Variants in LAMA2 observed in about 807,000 individuals in gnomAD.
LAMA2 encodes laminin subunit alpha-2.
A neutral mutation model predicts 364.8 loss-of-function variants in LAMA2; 269 were observed. The ratio of observed to expected loss-of-function variants is 0.74; its 90% confidence interval spans 0.67 to 0.82. The LOEUF is 0.82. Among genes scored for constraint, LAMA2 ranks in the 40% least tolerant of loss-of-function variants. The pLI, the probability that LAMA2 is intolerant of heterozygous loss-of-function variation, is 0.00. For missense variants in LAMA2, 3,807 were observed against 3,873.2 expected (o/e 0.98, Z 0.45); for synonymous variants, 1,379 against 1,370.6 (o/e 1.01, Z -0.14).
At chr6:129,307,946 T>TGCAGTACCCTATAGGAAAAAAA (rs1311141974) in intron 22 of LAMA2, among the ~76,000 whole-genome samples, 3 of 152,236 alleles carry the variant, frequency 2.0e-5, no homozygotes, top group Admixed American at 2.0e-4. Flanking sequence ...CCTATAGAGA[T>TGCAGTACCCTATAGGAAAAAAA]GTAAACTTTT....
At chr6:128,933,078 G>A (rs1190563211) in intron 1 of LAMA2, among the ~76,000 whole-genome samples, 1 of 152,130 alleles carries the variant, frequency 6.6e-6, no homozygotes, top group Non-Finnish European at 1.5e-5. Flanking sequence ...TTCCACATGT[G>A]AGTGAGATCA....
chr6:129,265,504 G>A (rs1439138808), intron 15 of LAMA2, among the ~76,000 whole-genome samples: 2 of 152,038 alleles, frequency 1.3e-5, no homozygotes, highest in African/African-American at 4.8e-5. Context: ...AGCTTCACCA[G>A]CTTTTAAAAA....
intron 7 of LAMA2, among the ~76,000 whole-genome samples, chr6:129,153,973 G>A (rs1778959786): frequency 1.3e-5 from 2 of 152,024 alleles, no homozygotes; most frequent in African/African-American, 4.8e-5. Flanking sequence ...CCAAATATTG[G>A]CAATTGCATA....
intron 30 of LAMA2, among the ~76,000 whole-genome samples, chr6:129,345,729 A>G (rs1030900757): frequency 6.6e-6 from 1 of 152,154 alleles, no homozygotes; most frequent in African/African-American, 2.4e-5. Context: ...CATGCCATTT[A>G]TTTAATTTTG....
intron 3 of LAMA2, among the ~76,000 whole-genome samples, chr6:129,093,853 A>T (rs1368315509): frequency 6.6e-6 from 1 of 152,236 alleles, no homozygotes; most frequent in Non-Finnish European, 1.5e-5. Flanking sequence ...TTCAACAGAA[A>T]AGACACTTGG....
chr6:129,214,518 G>A (rs769957262), intron 12 of LAMA2, among the ~76,000 whole-genome samples: 1 of 152,126 alleles, frequency 6.6e-6, no homozygotes, highest in Non-Finnish European at 1.5e-5. Context: ...TTTTTCTAGT[G>A]CCATTTGTTG....
At chr6:129,021,875 C>T (rs1785473251) in intron 1 of LAMA2, among the ~76,000 whole-genome samples, 1 of 152,160 alleles carries the variant, frequency 6.6e-6, no homozygotes, top group African/African-American at 2.4e-5. Flanking sequence ...ATGCTACTTA[C>T]CTCTGTTTCC....
intron 22 of LAMA2, among the ~76,000 whole-genome samples, chr6:129,305,553 G>A (rs565982031): frequency 1.3e-5 from 2 of 151,992 alleles, no homozygotes; most frequent in Non-Finnish European, 2.9e-5. Flanking sequence ...TCAAAGTCCT[G>A]TGCTCAAGTG....
chr6:128,991,780 T>C (rs1272320497), intron 1 of LAMA2, among the ~76,000 whole-genome samples: 1 of 152,226 alleles, frequency 6.6e-6, no homozygotes, highest in African/African-American at 2.4e-5. Context: ...TTAATTTTTA[T>C]GAAAACTTTC....
At position 129,021,436 on chromosome 6, in the gene LAMA2, T is replaced by C. The variant is rs879864545; in HGVS notation, c.113-28482T>C. On this transcript the variant is annotated intron_variant, in intron 1 of 64. Coordinates refer to ENST00000421865, the MANE Select transcript of LAMA2 (RefSeq NM_000426.4). Reference sequence around the variant, plus strand: ...TGGCTAGGATCAAATACATGCTTTATGTAATACAGTTTATTTCTTAAACTG... The same window carrying C: ...TGGCTAGGATCAAATACATGCTTTACGTAATACAGTTTATTTCTTAAACTG... Among the ~76,000 whole-genome samples the C allele has an allele frequency of 3.3e-4, 50 of 152,238 alleles. 1 individual carries two copies. Among genetic ancestry groups the C allele is most frequent in the Admixed American group, 2.4e-3 (37 of 15,278 alleles).
chr6:129,017,062 T>C (rs1785124838), intron 1 of LAMA2, among the ~76,000 whole-genome samples: 2 of 151,920 alleles, frequency 1.3e-5, no homozygotes, highest in South Asian at 4.1e-4. Context: ...CAACTACATC[T>C]AGACTTCTGC....
intron 33 of LAMA2, among the ~76,000 whole-genome samples, chr6:129,367,545 A>T (rs1468284067): frequency 6.6e-6 from 1 of 152,218 alleles, no homozygotes; most frequent in Non-Finnish European, 1.5e-5. Flanking sequence ...TTGGAATTTG[A>T]AGTGTAGACA....
intron 45 of LAMA2, 119 bp downstream of exon 45, chr6:129,445,940 G>A (rs989456908): frequency 5.7e-5 from 56 of 984,842 alleles, no homozygotes; most frequent in Admixed American, 2.2e-4. Context: ...CCTTTAACTC[G>A]AAGCGATTTG....
chr6:129,079,233 C>G (rs1052082424), intron 3 of LAMA2, among the ~76,000 whole-genome samples: 6 of 152,122 alleles, frequency 3.9e-5, no homozygotes, highest in Non-Finnish European at 7.4e-5. Context: ...AAGCTACATT[C>G]ACATAACTTT....
chr6:129,100,073 T>G (rs1245284330), intron 4 of LAMA2, among the ~76,000 whole-genome samples: 2 of 152,224 alleles, frequency 1.3e-5, no homozygotes, highest in Non-Finnish European at 2.9e-5. Flanking sequence ...ATTCAGAAAT[T>G]TATTAAGCAA....
intron 1 of LAMA2, among the ~76,000 whole-genome samples, chr6:128,904,589 G>T (rs922035032): frequency 6.6e-6 from 1 of 151,782 alleles, no homozygotes; most frequent in African/African-American, 2.4e-5. Flanking sequence ...TGAGTAGCTG[G>T]GATTACAGGC....
chr6:129,478,519 T>C (rs1048199598), intron 53 of LAMA2, among the ~76,000 whole-genome samples, 174 bp from the exon 54 acceptor site: 3 of 152,160 alleles, frequency 2.0e-5, no homozygotes, highest in Non-Finnish European at 4.4e-5. Context: ...TGAACATCCA[T>C]TTAGACCAAC....
intron 1 of LAMA2, among the ~76,000 whole-genome samples, chr6:129,021,712 G>A (rs942067413): frequency 1.3e-5 from 2 of 152,186 alleles, no homozygotes; most frequent in Non-Finnish European, 2.9e-5. Flanking sequence ...ATTCAAGTAT[G>A]TCCTGCCTGG....
At chr6:129,085,798 A>T (rs1774348903) in intron 3 of LAMA2, among the ~76,000 whole-genome samples, 1 of 152,162 alleles carries the variant, frequency 6.6e-6, no homozygotes, top group South Asian at 2.1e-4. Flanking sequence ...ATTCAGAAAA[A>T]TTGGGAGAAA....
Sources: gnomAD v4.1 joint callset for allele counts (sites outside exome capture counted in the v4.1 genomes callset) on GRCh38, gnomAD v4.1.1 for gene constraint, MANE v1.5 for transcripts, NCBI Gene and HGNC (gene_info 2026-07-23, HGNC 2026-07-21) for gene names.